Variants in NT5C3A observed in about 807,000 individuals in gnomAD.
NT5C3A encodes 5'-nucleotidase, cytosolic IIIA, also known as cytosolic 5'-nucleotidase 3A.
Under a neutral mutation model 40.0 loss-of-function variants are expected in NT5C3A, and 23 were observed. The ratio of observed to expected loss-of-function variants is 0.58; its 90% CI spans 0.41 to 0.81. NT5C3A has a LOEUF of 0.81. Among genes scored for constraint, NT5C3A ranks in the 40% least tolerant of loss-of-function variants. NT5C3A has a pLI of 0.00. For synonymous variants in NT5C3A, 130 were observed against 141.4 expected (o/e 0.92, Z 0.57); for missense variants, 328 against 403.0 (o/e 0.81, Z 1.59).
chr7:33,041,459 G>C (rs1786908073), intron 1 of NT5C3A, among the ~76,000 whole-genome samples: 1 of 151,708 alleles, frequency 6.6e-6, no homozygotes, highest in Admixed American at 6.6e-5. Flanking sequence ...TGGTTTAAAT[G>C]GTACGATTTA....
At chr7:33,041,681 TG>T (rs1786920513) in intron 1 of NT5C3A, among the ~76,000 whole-genome samples, 1 of 152,046 alleles carries the variant, frequency 6.6e-6, no homozygotes, top group South Asian at 2.1e-4. Flanking sequence ...TTTTTAAAAA[TG>T]GGGGGAAAAA....
chr7:33,055,816 T>G (rs1357970911), intron 1 of NT5C3A, among the ~76,000 whole-genome samples: 1 of 152,224 alleles, frequency 6.6e-6, no homozygotes, highest in Non-Finnish European at 1.5e-5. Context: ...GTGCAACTAA[T>G]TTTTAAAGAG....
At chr7:33,026,032 A>G (rs1490665661) in intron 2 of NT5C3A, among the ~76,000 whole-genome samples, 1 of 152,202 alleles carries the variant, frequency 6.6e-6, no homozygotes, top group Non-Finnish European at 1.5e-5. Context: ...CTAAAAATAT[A>G]AAAATTAGCT....
At chr7:33,022,493 A>C (rs552689315) in intron 3 of NT5C3A, among the ~76,000 whole-genome samples, 10 of 152,374 alleles carry the variant, frequency 6.6e-5, no homozygotes, top group Non-Finnish European at 1.5e-4. Flanking sequence ...TAACGTAAAC[A>C]TCTGGAAAAT....
At chr7:33,054,819 T>C (rs1787507816) in intron 1 of NT5C3A, among the ~76,000 whole-genome samples, 1 of 152,232 alleles carries the variant, frequency 6.6e-6, no homozygotes, top group Non-Finnish European at 1.5e-5. Flanking sequence ...TGAAGAGTTT[T>C]GGATTTCAGA....
At chr7:33,050,476 T>C (rs374591397) in intron 1 of NT5C3A, among the ~76,000 whole-genome samples, 1 of 152,340 alleles carries the variant, frequency 6.6e-6, no homozygotes. Flanking sequence ...GAAATCCAGA[T>C]AGACTGAAAA....
intron 8 of NT5C3A, 70 bp from the exon 9 acceptor site, chr7:33,014,901 CGTT>C (rs1296675557): frequency 4.6e-6 from 6 of 1,313,560 alleles, no homozygotes; most frequent in South Asian, 1.2e-5. Context: ...GTATGAATCT[CGTT>C]GTTAGATCTC....
In NT5C3A at chr7:33,043,890, A is replaced by G. The variant is rs142981952; in HGVS notation, c.139-16975T>C. On this transcript the variant is annotated intron_variant, in intron 1 of 8. Coordinates refer to ENST00000610140, the MANE Select transcript of NT5C3A (RefSeq NM_001002010.5). ...AGAAGCATGCGATGGCCCTTTACATACATTGTAATTTAATTGGTGTAATTT... is the reference window on the plus strand; with the variant it reads ...AGAAGCATGCGATGGCCCTTTACATGCATTGTAATTTAATTGGTGTAATTT... 2.0e-5 allele frequency among the ~76,000 whole-genome samples: 3 copies of G among 152,306 alleles called. No individual in the cohort carries two copies. In the East Asian group the frequency reaches 5.8e-4, roughly 29 times the overall value.
intron 7 of NT5C3A, 121 bp from the exon 8 acceptor site, chr7:33,015,991 A>G (rs1451031722): frequency 1.9e-5 from 14 of 722,612 alleles, no homozygotes; most frequent in Non-Finnish European, 2.9e-5. Context: ...CATCTTTGAT[A>G]CTAGAGATCT....
chr7:33,026,483 T>C (rs1361943781), intron 2 of NT5C3A, among the ~76,000 whole-genome samples: 2 of 151,152 alleles, frequency 1.3e-5, no homozygotes, highest in African/African-American at 2.4e-5. Context: ...GCCTCCCAAG[T>C]AGCTGGGATT....
intron 1 of NT5C3A, among the ~76,000 whole-genome samples, chr7:33,034,186 C>T (rs934468753): frequency 1.3e-5 from 2 of 151,964 alleles, no homozygotes; most frequent in East Asian, 1.9e-4. Flanking sequence ...CCACCGCGCC[C>T]GGCCAGACCT....
intron 5 of NT5C3A, among the ~76,000 whole-genome samples, chr7:33,020,108 T>C (rs1436005605): frequency 2.0e-5 from 3 of 152,206 alleles, no homozygotes; most frequent in African/African-American, 7.2e-5. Flanking sequence ...GTTTGAATTT[T>C]CTACATACTG....
At chr7:33,034,570 T>C (rs1163729951) in intron 1 of NT5C3A, among the ~76,000 whole-genome samples, 1 of 151,912 alleles carries the variant, frequency 6.6e-6, no homozygotes, top group Admixed American at 6.6e-5. Context: ...TGTTATTAGG[T>C]TGAACCATAT....
chr7:33,057,719 T>C (rs1028315093), intron 1 of NT5C3A, among the ~76,000 whole-genome samples: 6 of 152,064 alleles, frequency 3.9e-5, no homozygotes, highest in South Asian at 2.1e-4. Flanking sequence ...CCATCTCCCC[T>C]ATCCCCCACA....
intron 6 of NT5C3A, 103 bp from the exon 7 acceptor site, chr7:33,017,704 C>T (rs1785413794): frequency 5.6e-6 from 5 of 889,038 alleles, no homozygotes; most frequent in Admixed American, 3.5e-5. Flanking sequence ...CTATGGCTCA[C>T]TCATATTCTC....
intron 6 of NT5C3A, 86 bp downstream of exon 6, chr7:33,019,549 T>C (rs1785513083): frequency 1.2e-6 from 1 of 839,060 alleles, no homozygotes; most frequent in Non-Finnish European, 2.1e-6. Flanking sequence ...TATTCAATCT[T>C]ATTTTTAAAA....
chr7:33,062,512 C>T, intron 1 of NT5C3A, 56 bp downstream of exon 1: 3 of 1,513,592 alleles, frequency 2.0e-6, no homozygotes, highest in East Asian at 2.3e-5. Context: ...CCGAGGCCAG[C>T]GGACGGCCCA....
chr7:33,024,018 G>A (rs374846551), intron 3 of NT5C3A, 21 bp downstream of exon 3: 22 of 1,350,390 alleles, frequency 1.6e-5, no homozygotes, highest in Non-Finnish European at 2.3e-5. Context: ...TTGTGAATTT[G>A]TTTACAAATA....
chr7:33,033,571 A>C (rs1228766386), intron 1 of NT5C3A, among the ~76,000 whole-genome samples: 1 of 152,172 alleles, frequency 6.6e-6, no homozygotes, highest in Non-Finnish European at 1.5e-5. Context: ...CAAATAATTA[A>C]TACATTGCCA....
Sources: allele counts gnomAD v4.1 joint callset (sites outside exome capture counted in the v4.1 genomes callset), GRCh38; gene constraint gnomAD v4.1.1; transcripts MANE v1.5; gene names NCBI Gene and HGNC (gene_info 2026-07-23, HGNC 2026-07-21).